PARP8: variants seen among roughly 807,000 people sequenced by gnomAD.
PARP8 encodes the protein poly(ADP-ribose) polymerase family member 8.
In PARP8, 51 loss-of-function variants were observed where a neutral mutation model predicts 124.1. The ratio of observed to expected loss-of-function variants is 0.41; its 90% CI spans 0.33 to 0.52. The LOEUF is 0.52. Among genes scored for constraint, PARP8 ranks in the 20% least tolerant of loss-of-function variants. The probability of loss-of-function intolerance (pLI) is 0.21; values close to 1 mark genes in which losing one functional copy is unlikely to be tolerated. For synonymous variants in PARP8, 391 were observed against 361.5 expected (o/e 1.08, Z -0.93); for missense variants, 860 against 1,018.9 (o/e 0.84, Z 2.12).
chr5:50,753,119 T>C (rs920021869), intron 3 of PARP8, among the ~76,000 whole-genome samples: 9 of 152,252 alleles, frequency 5.9e-5, no homozygotes, highest in Admixed American at 5.9e-4. Context: ...GATTTTATTT[T>C]GAAGACAGTT....
At chr5:50,824,055 G>A (rs765753268) in intron 17 of PARP8, among the ~76,000 whole-genome samples, 12 of 152,290 alleles carry the variant, frequency 7.9e-5, no homozygotes, top group South Asian at 4.1e-4. Flanking sequence ...TGTCCTATAC[G>A]TAGCCCTAAA....
chr5:50,747,508 T>C (rs1758722451), intron 2 of PARP8, among the ~76,000 whole-genome samples: 1 of 151,986 alleles, frequency 6.6e-6, no homozygotes, highest in African/African-American at 2.4e-5. Context: ...GAGTTGTTCA[T>C]TTTTCCTCTA....
At chr5:50,736,352 T>C (rs1757476385) in intron 2 of PARP8, among the ~76,000 whole-genome samples, 1 of 152,154 alleles carries the variant, frequency 6.6e-6, no homozygotes, top group African/African-American at 2.4e-5. Flanking sequence ...ATCTTTGTAA[T>C]GGTGCAGCAT....
intron 3 of PARP8, among the ~76,000 whole-genome samples, chr5:50,752,525 T>C (rs938019217): frequency 6.6e-6 from 1 of 152,104 alleles, no homozygotes. Context: ...TGGTCCGTAA[T>C]TGTAAAATTC....
intron 2 of PARP8, among the ~76,000 whole-genome samples, chr5:50,744,546 G>C (rs1758351254): frequency 6.6e-6 from 1 of 152,120 alleles, no homozygotes; most frequent in South Asian, 2.1e-4. Flanking sequence ...AAATTATTGA[G>C]GTGCAATAAA....
chr5:50,677,055 T>C (rs1431187356), intron 2 of PARP8, among the ~76,000 whole-genome samples: 1 of 152,164 alleles, frequency 6.6e-6, no homozygotes, highest in East Asian at 1.9e-4. Flanking sequence ...GGAAAACGAG[T>C]GGAGCCTCAC....
At chr5:50,760,256 TATC>T (rs1312185965) in intron 4 of PARP8, 33 bp from the exon 5 acceptor site, 1 of 1,431,870 alleles carries the variant, frequency 7.0e-7, no homozygotes, top group South Asian at 1.3e-5. Flanking sequence ...GCATACTAAG[TATC>T]ATAATATTTT....
rs113832809 is a variant in PARP8 at position 50,838,885 on chromosome 5, A to G, written c.2463-3081A>G. ...TAGCCTATTTTTCAAGGCTCATTCA[A>G]ACATGGTCTTTTCCTTGGCACCTTC... On this transcript the variant is annotated intron_variant, in intron 25 of 25. Coordinates refer to ENST00000281631, the MANE Select transcript of PARP8 (RefSeq NM_024615.4). 5.8e-3 allele frequency among the ~76,000 whole-genome samples: 879 copies of G among 152,036 alleles called. 3 individuals carry two copies. The highest frequency in any genetic ancestry group is 0.02 in the African/African-American group (831 of 41,510).
intron 2 of PARP8, among the ~76,000 whole-genome samples, chr5:50,726,338 T>C (rs1756428322): frequency 6.6e-6 from 1 of 152,146 alleles, no homozygotes; most frequent in Non-Finnish European, 1.5e-5. Flanking sequence ...ATCTATCCAA[T>C]GGAGGATGTA....
chr5:50,731,491 A>G (rs758913575), intron 2 of PARP8, among the ~76,000 whole-genome samples: 30 of 152,322 alleles, frequency 2.0e-4, no homozygotes, highest in Middle Eastern at 3.4e-3. Context: ...ATTTATTTAT[A>G]TGCTAAAGAA....
chr5:50,805,350 G>A (rs546597157), intron 14 of PARP8, among the ~76,000 whole-genome samples: 11 of 152,088 alleles, frequency 7.2e-5, no homozygotes, highest in South Asian at 6.2e-4. Context: ...GTAGATATTT[G>A]GCCTATTATT....
chr5:50,705,474 C>G (rs1754038998), intron 2 of PARP8, among the ~76,000 whole-genome samples: 1 of 151,930 alleles, frequency 6.6e-6, no homozygotes, highest in African/African-American at 2.4e-5. Flanking sequence ...CGGAGAGGAG[C>G]TAAAACTAAA....
At chr5:50,702,516 T>A (rs1053338382) in intron 2 of PARP8, among the ~76,000 whole-genome samples, 2 of 152,186 alleles carry the variant, frequency 1.3e-5, no homozygotes, top group Non-Finnish European at 2.9e-5. Context: ...CTAAAAAGTA[T>A]TTGAAATTCA....
chr5:50,717,435 A>AT (rs1322675604), intron 2 of PARP8, among the ~76,000 whole-genome samples: 1 of 152,040 alleles, frequency 6.6e-6, no homozygotes, highest in Non-Finnish European at 1.5e-5. Flanking sequence ...GGAAGAACAG[A>AT]TTTCAGGAGT....
intron 25 of PARP8, 94 bp downstream of exon 25, chr5:50,835,109 A>AT: frequency 1.1e-6 from 1 of 936,052 alleles, no homozygotes; most frequent in Non-Finnish European, 1.7e-6. Context: ...AGCTGCCAAA[A>AT]TATAACAGGT....
chr5:50,835,118 GT>G lies in PARP8; in HGVS notation c.2462+104del, dbSNP rs1747421064. ...CTCTTTAGCTGCCAAAATATAACAG[GT>G]AATTGAGTTTAACATCAACTAATGT... On this transcript the variant is annotated intron_variant, in intron 25 of 25. Coordinates refer to ENST00000281631, the MANE Select transcript of PARP8 (RefSeq NM_024615.4). 7.1e-5 allele frequency: 60 copies of G among 844,944 alleles called. 2 individuals carry two copies. In the South Asian group the frequency reaches 9.0e-4, roughly 13 times the overall value. The allele number at this position is 844,944 out of a possible 1,614,324, so 52.3% of individuals were successfully genotyped here.
At chr5:50,810,901 G>A (rs187744016) in intron 14 of PARP8, among the ~76,000 whole-genome samples, 16 of 152,042 alleles carry the variant, frequency 1.1e-4, no homozygotes, top group Admixed American at 2.0e-4. Flanking sequence ...ACATTATGAC[G>A]TTTGTAGTTG....
chr5:50,843,691 G>T lies in PARP8; in HGVS notation c.*1623G>T, dbSNP rs1278822829. 2 of 151,718 alleles carry T rather than the reference G, an allele frequency of 1.3e-5. No individual in the cohort carries two copies. The highest frequency in any genetic ancestry group is 6.6e-5 in the Admixed American group (1 of 15,182). The allele number at this position is 151,718 out of a possible 1,614,324, so 9.4% of individuals were successfully genotyped here. A position where few individuals can be genotyped will look rare whatever the true frequency, so the allele number is the denominator to read the frequency against. On this transcript the variant is annotated 3_prime_UTR_variant, in exon 26 of 26. Coordinates refer to ENST00000281631, the MANE Select transcript of PARP8 (RefSeq NM_024615.4). ...GATAATAGTAGTGGAGTAGGGCAAA[G>T]ATATAATATCCTATCCAGTGTTTTG...
At chr5:50,818,477 G>A (rs532203349) in intron 15 of PARP8, among the ~76,000 whole-genome samples, 30 of 152,198 alleles carry the variant, frequency 2.0e-4, no homozygotes, top group African/African-American at 6.0e-4. Context: ...GGATCCTCCC[G>A]CCTCAGCCTC....
Sources: gnomAD v4.1 joint callset for allele counts (sites outside exome capture counted in the v4.1 genomes callset) on GRCh38, gnomAD v4.1.1 for gene constraint, MANE v1.5 for transcripts, NCBI Gene and HGNC (gene_info 2026-07-23, HGNC 2026-07-21) for gene names.